Variants in MAP4K4 observed in about 807,000 individuals in gnomAD.
MAP4K4 encodes mitogen-activated protein kinase kinase kinase kinase 4.
In MAP4K4, 38 loss-of-function variants were observed where a neutral mutation model predicts 189.6. The ratio of observed to expected loss-of-function variants is 0.20; its 90% CI spans 0.15 to 0.26. The LOEUF (loss-of-function observed/expected upper bound fraction) is 0.26, where lower values mean the gene tolerates loss of function less well. Ranked by LOEUF, MAP4K4 falls within the 10% of genes least tolerant of loss-of-function variation. The pLI is 1.00. For missense variants in MAP4K4, 1,054 were observed against 1,726.9 expected, an observed-to-expected ratio of 0.61 and a Z score of 6.91; for synonymous variants, 610 against 624.3, an observed-to-expected ratio of 0.98 and a Z score of 0.34.
At chr2:101,861,148 A>G (rs2097644076) in intron 16 of MAP4K4, 162 bp downstream of exon 16, 1 of 611,394 alleles carries the variant, frequency 1.6e-6, no homozygotes, top group Admixed American at 3.3e-5. Flanking sequence ...CTCAGTTGAT[A>G]GGGAAATATC....
At chr2:101,766,605 G>T (rs1203234799) in intron 2 of MAP4K4, among the ~76,000 whole-genome samples, 1 of 140,272 alleles carries the variant, frequency 7.1e-6, no homozygotes, top group African/African-American at 3.2e-5. Flanking sequence ...AGAGCCTTTT[G>T]TCTTGATTTT....
At chr2:101,846,190 G>T (rs150956590) in intron 12 of MAP4K4, among the ~76,000 whole-genome samples, 1 of 152,190 alleles carries the variant, frequency 6.6e-6, no homozygotes, top group Non-Finnish European at 1.5e-5. Context: ...CAAATTCCTT[G>T]TGGTATTTTT....
intron 2 of MAP4K4, among the ~76,000 whole-genome samples, chr2:101,755,866 T>G (rs2150054361): frequency 6.6e-6 from 1 of 151,942 alleles, no homozygotes; most frequent in Non-Finnish European, 1.5e-5. Flanking sequence ...CATCTGTCTA[T>G]AGTAGCTGTT....
chr2:101,828,819 A>AT (rs2096481271), intron 5 of MAP4K4, among the ~76,000 whole-genome samples: 1 of 152,208 alleles, frequency 6.6e-6, no homozygotes, highest in South Asian at 2.1e-4. Flanking sequence ...CTTGGACCAT[A>AT]TTTGGAGGCA....
intron 3 of MAP4K4, among the ~76,000 whole-genome samples, chr2:101,805,852 G>C (rs2094875920): frequency 6.6e-6 from 1 of 152,114 alleles, no homozygotes; most frequent in African/African-American, 2.4e-5. Context: ...GCACTCTTTG[G>C]GATTCTTGTT....
chr2:101,739,823 A>G (rs2061843295), intron 2 of MAP4K4, among the ~76,000 whole-genome samples: 1 of 152,216 alleles, frequency 6.6e-6, no homozygotes, highest in Admixed American at 6.5e-5. Context: ...TAAGAGAACC[A>G]ACCTTGGGAC....
intron 14 of MAP4K4, 70 bp from the exon 15 acceptor site, chr2:101,859,573 G>A (rs375945256): frequency 2.6e-5 from 32 of 1,216,946 alleles, no homozygotes; most frequent in Non-Finnish European, 3.1e-5. Flanking sequence ...TTTAAAAGCC[G>A]AACAAATCCA....
At chr2:101,756,226 T>C (rs2072699447) in intron 2 of MAP4K4, among the ~76,000 whole-genome samples, 1 of 152,122 alleles carries the variant, frequency 6.6e-6, no homozygotes, top group African/African-American at 2.4e-5. Context: ...TTAACAGGCG[T>C]GAGCCACTGT....
At chr2:101,889,683 C>A (rs1181779263) in intron 32 of MAP4K4, among the ~76,000 whole-genome samples, 2 of 152,182 alleles carry the variant, frequency 1.3e-5, no homozygotes, top group East Asian at 3.8e-4. Context: ...GCATGTCTGA[C>A]TACCTAAGGC....
intron 32 of MAP4K4, among the ~76,000 whole-genome samples, chr2:101,890,706 C>T (rs1427015319): frequency 1.3e-5 from 2 of 152,110 alleles, no homozygotes; most frequent in Non-Finnish European, 2.9e-5. Flanking sequence ...CCGCCTACGT[C>T]GGCCTCCCAA....
rs1365083411 is a variant in MAP4K4, at chr2:101,698,461, C to T, written c.58-12C>T. The T allele has an allele frequency of 6.2e-7, 1 of 1,612,054 alleles. No homozygotes were observed. The highest frequency in any genetic ancestry group is 1.7e-5 in the Admixed American group (1 of 60,008). ...CTTTTAAATGATAACCCCTCCCCTC[C>T]TTCCTCTCCAGGATCCTGCTGGGAT... is the stretch of plus-strand genomic sequence containing the variant. On this transcript the variant is annotated splice_polypyrimidine_tract_variant and intron_variant, in intron 1 of 32. Transcript: ENST00000324219.
chr2:101,839,675 GT>G, intron 9 of MAP4K4, 143 bp from the exon 10 acceptor site: 5 of 649,158 alleles, frequency 7.7e-6, no homozygotes, highest in Non-Finnish European at 1.3e-5. Context: ...TCCTATTTAT[GT>G]TTCATACATT....
At chr2:101,731,037 C>G (rs572808577) in intron 2 of MAP4K4, among the ~76,000 whole-genome samples, 15 of 150,492 alleles carry the variant, frequency 1.0e-4, no homozygotes, top group African/African-American at 3.7e-4. Flanking sequence ...CAGAGGGAGA[C>G]TGTCTCAAAA....
intron 2 of MAP4K4, among the ~76,000 whole-genome samples, chr2:101,710,822 T>G (rs1255635895): frequency 6.6e-6 from 1 of 152,216 alleles, no homozygotes; most frequent in Non-Finnish European, 1.5e-5. Flanking sequence ...CCCACTGAGC[T>G]GATGATTCAT....
At chr2:101,792,347 C>G (rs1435316005) in intron 3 of MAP4K4, among the ~76,000 whole-genome samples, 1 of 152,094 alleles carries the variant, frequency 6.6e-6, no homozygotes, top group East Asian at 1.9e-4. Context: ...TGAGAGTTCA[C>G]TCTTGTAGTG....
intron 3 of MAP4K4, among the ~76,000 whole-genome samples, chr2:101,793,139 C>A (rs569473447): frequency 6.6e-6 from 1 of 152,294 alleles, no homozygotes; most frequent in Admixed American, 6.5e-5. Flanking sequence ...AGTTTTGGGA[C>A]TCCTTTAAAA....
rs532546955 is a variant in MAP4K4 at position 101,709,872 on chromosome 2, GT to G, written c.123+11341del. Among the ~76,000 whole-genome samples, 750 of 152,232 alleles carry G rather than the reference GT, an allele frequency of 4.9e-3. 5 individuals are homozygous for G. Among genetic ancestry groups the G allele is most frequent in the Non-Finnish European group, 7.8e-3 (528 of 68,012 alleles). ...TATTTTTCTTATATTTTATTCTTAAGTTTTTTTGTGATACCTTTTGTTAGGG... is the reference window on the plus strand; with the variant it reads ...TATTTTTCTTATATTTTATTCTTAAGTTTTTTGTGATACCTTTTGTTAGGG... On this transcript the variant is annotated intron_variant, in intron 2 of 32. Transcript: ENST00000324219.
chr2:101,853,371 C>A (rs1042994892), intron 12 of MAP4K4, among the ~76,000 whole-genome samples: 4 of 152,044 alleles, frequency 2.6e-5, no homozygotes, highest in Non-Finnish European at 4.4e-5. Flanking sequence ...AAGACCTTAT[C>A]CTTGGAAAGA....
chr2:101,835,984 CTA>C lies in MAP4K4; in HGVS notation c.773+12_773+13del, dbSNP rs759540848. 6 of 1,603,582 alleles carry C rather than the reference CTA, an allele frequency of 3.7e-6. No individual in the cohort carries two copies. In the African/African-American group the frequency reaches 8.0e-5, roughly 21 times the overall value. On this transcript the variant is annotated splice_region_variant and intron_variant, in intron 9 of 32. Coordinates refer to ENST00000324219, the Ensembl canonical transcript of MAP4K4. ...CGGCTGAAGTCAAAAAAATGGTAAG[CTA>C]TATATGGTTTTTTGTTGTTCTTTTC...
Sources: gnomAD v4.1 joint callset for allele counts (sites outside exome capture counted in the v4.1 genomes callset) on GRCh38, gnomAD v4.1.1 for gene constraint, MANE v1.5 for transcripts, NCBI Gene and HGNC (gene_info 2026-07-23, HGNC 2026-07-21) for gene names.